The following ATG4C variants were observed in gnomAD, a reference collection of about 807,000 sequenced individuals.
The protein encoded by ATG4C is autophagy related 4C cysteine peptidase, also known as cysteine protease ATG4C.
A neutral mutation model predicts 57.6 loss-of-function variants in ATG4C; 56 were observed. That is an observed-to-expected ratio of 0.97 (90% CI 0.78 to 1.21). The LOEUF (loss-of-function observed/expected upper bound fraction) is 1.21, where lower values mean the gene tolerates loss of function less well. Among genes scored for constraint, ATG4C ranks in the 50% most tolerant of loss-of-function variants. The pLI, the probability that ATG4C is intolerant of heterozygous loss-of-function variation, is 0.00. For synonymous variants in ATG4C, 157 were observed against 174.1 expected (o/e 0.90, Z 0.78); for missense variants, 595 against 529.8 (o/e 1.12, Z -1.21).
chr1:62,844,180 A>G (rs1666258836), intron 10 of ATG4C, among the ~76,000 whole-genome samples: 1 of 152,162 alleles, frequency 6.6e-6, no homozygotes, highest in South Asian at 2.1e-4. Flanking sequence ...AAATCCCTAA[A>G]GGTGTGGCCT....
chr1:62,852,925 T>C (rs116616382), intron 10 of ATG4C, among the ~76,000 whole-genome samples: 3,773 of 152,256 alleles, frequency 0.025, 57 homozygotes, highest in Middle Eastern at 0.061. Flanking sequence ...AGTTTGGAAC[T>C]TCCTGATGCC....
At position 62,865,294 on chromosome 1, in the gene ATG4C, T is replaced by A. The variant is rs1347303566; in HGVS notation, c.*1135T>A. 1.3e-5 allele frequency: 2 copies of A among 151,926 alleles called. No individual in the cohort carries two copies. The highest frequency in any genetic ancestry group is 4.8e-5 in the African/African-American group (2 of 41,452). 9.4% of individuals were successfully genotyped at this position (151,926 alleles called of 1,614,324 possible). On this transcript the variant is annotated 3_prime_UTR_variant, in exon 11 of 11. Coordinates refer to ENST00000317868, the MANE Select transcript of ATG4C (RefSeq NM_032852.4). ...AATATTAATTTTTTTAAGTGGAGCT[T>A]TCATGTTTCAGTGTAGAAACGTGAC...
intron 10 of ATG4C, among the ~76,000 whole-genome samples, chr1:62,857,294 G>C (rs1666714844): frequency 6.6e-6 from 1 of 152,146 alleles, no homozygotes; most frequent in Non-Finnish European, 1.5e-5. Context: ...GGTGGCATTA[G>C]AGTCTCATAA....
At chr1:62,790,161 G>T (rs1385185227) in intron 1 of ATG4C, among the ~76,000 whole-genome samples, 1 of 152,076 alleles carries the variant, frequency 6.6e-6, no homozygotes, top group African/African-American at 2.4e-5. Flanking sequence ...TAATCCACCC[G>T]CCTCGGCCTC....
In ATG4C at chr1:62,851,456, C is replaced by T. The variant is rs751192788; in HGVS notation, c.1209+9909C>T. ...AATTTTAACTCTGCATTTCTAAGAA[C>T]AATAAGTCTTCCCTTAACATCATTG... On this transcript the variant is annotated intron_variant, in intron 10 of 10. Coordinates refer to ENST00000317868, the MANE Select transcript of ATG4C (RefSeq NM_032852.4). 3.9e-5 allele frequency among the ~76,000 whole-genome samples: 6 copies of T among 152,090 alleles called. No individual in the cohort carries two copies. The South Asian group carries it at 1.2e-3, about 32-fold the overall frequency.
At chr1:62,796,032 G>T (rs1460772582) in intron 1 of ATG4C, among the ~76,000 whole-genome samples, 2 of 151,954 alleles carry the variant, frequency 1.3e-5, no homozygotes, top group Admixed American at 1.3e-4. Flanking sequence ...GTGAAACCAG[G>T]CATTTTAACT....
chr1:62,844,655 G>T (rs1666274588), intron 10 of ATG4C, among the ~76,000 whole-genome samples: 1 of 151,950 alleles, frequency 6.6e-6, no homozygotes, highest in African/African-American at 2.4e-5. Context: ...CTGAGCTTAA[G>T]AAAGTTATAT....
chr1:62,859,210 T>G (rs2100366959), intron 10 of ATG4C, among the ~76,000 whole-genome samples: 1 of 152,340 alleles, frequency 6.6e-6, no homozygotes, highest in South Asian at 2.1e-4. Flanking sequence ...TTTGGATTTT[T>G]GGATTTTCAG....
At chr1:62,785,363 A>T (rs1557951463) in intron 1 of ATG4C, 1 of 152,254 alleles carries the variant, frequency 6.6e-6, no homozygotes, top group Non-Finnish European at 1.5e-5. Flanking sequence ...TTGAATTACC[A>T]GTTCATTCGC....
chr1:62,825,258 T>C (rs1665613520), intron 6 of ATG4C, among the ~76,000 whole-genome samples: 1 of 146,484 alleles, frequency 6.8e-6, no homozygotes, highest in Admixed American at 6.8e-5. Flanking sequence ...AAAAAAAGCA[T>C]GAGCCGTTGT....
chr1:62,851,623 C>A (rs967105805), intron 10 of ATG4C, among the ~76,000 whole-genome samples: 2 of 152,046 alleles, frequency 1.3e-5, no homozygotes, highest in African/African-American at 2.4e-5. Flanking sequence ...ACAATAAAGA[C>A]TTAAATACTT....
chr1:62,828,396 G>T (rs1313144532), intron 6 of ATG4C, among the ~76,000 whole-genome samples: 1 of 152,092 alleles, frequency 6.6e-6, no homozygotes, highest in Non-Finnish European at 1.5e-5. Context: ...TTTCTCTAAT[G>T]ATCAGTGGTA....
At chr1:62,839,677 A>G (rs942180744) in intron 9 of ATG4C, among the ~76,000 whole-genome samples, 9 of 152,292 alleles carry the variant, frequency 5.9e-5, no homozygotes, top group African/African-American at 2.2e-4. Flanking sequence ...TGTTTTAAAT[A>G]TTTCTTTGCT....
At chr1:62,844,369 T>C (rs1204038082) in intron 10 of ATG4C, among the ~76,000 whole-genome samples, 1 of 152,174 alleles carries the variant, frequency 6.6e-6, no homozygotes, top group African/African-American at 2.4e-5. Flanking sequence ...TATTGATTTG[T>C]ACAAGGCTAT....
At chr1:62,848,070 G>A (rs1311028476) in intron 10 of ATG4C, among the ~76,000 whole-genome samples, 1 of 152,022 alleles carries the variant, frequency 6.6e-6, no homozygotes, top group Non-Finnish European at 1.5e-5. Context: ...TTTCCCGTAT[G>A]GTTTTTAAAT....
In ATG4C at chr1:62,819,261, A is replaced by G. The variant is rs770237135; in HGVS notation, c.651A>G (p.Leu217=). ...SPLALFGLHQ[L]IEYGKKSGKK... is the part of the protein sequence containing the mutation. ...TGGCTCTTTTTGGCTTACATCAACTAATAGAATATGGAAAGAAGTCTGGGA... is the reference window on the plus strand; with the variant it reads ...TGGCTCTTTTTGGCTTACATCAACTGATAGAATATGGAAAGAAGTCTGGGA... The change falls in exon 5 of 11, where the codon CTA becomes CTG. Residue 217 remains leucine (L), a synonymous_variant. Transcript: ENST00000317868. 5.0e-6 allele frequency: 8 copies of G among 1,613,376 alleles called. No individual in the cohort carries two copies. In the South Asian group the frequency reaches 5.5e-5, roughly 11 times the overall value.
At chr1:62,801,368 G>A (rs961068483) in intron 1 of ATG4C, among the ~76,000 whole-genome samples, 1 of 152,166 alleles carries the variant, frequency 6.6e-6, no homozygotes, top group Admixed American at 6.5e-5. Context: ...TTGACATCCC[G>A]AGAATATATC....
chr1:62,791,942 T>A (rs1288487317), intron 1 of ATG4C, among the ~76,000 whole-genome samples: 1 of 152,144 alleles, frequency 6.6e-6, no homozygotes, highest in Non-Finnish European at 1.5e-5. Context: ...CATATACACA[T>A]CCATATATTT....
chr1:62,854,900 G>T (rs1666637118), intron 10 of ATG4C, among the ~76,000 whole-genome samples: 2 of 152,188 alleles, frequency 1.3e-5, no homozygotes, highest in African/African-American at 4.8e-5. Flanking sequence ...AGCAGGAAGT[G>T]AAGGATACTG....
Sources: gnomAD v4.1 joint callset for allele counts (sites outside exome capture counted in the v4.1 genomes callset) on GRCh38, gnomAD v4.1.1 for gene constraint, MANE v1.5 for transcripts, NCBI Gene and HGNC (gene_info 2026-07-23, HGNC 2026-07-21) for gene names.